The following MAN2C1 variants were observed in gnomAD, a reference collection of about 807,000 sequenced individuals.
The protein encoded by MAN2C1 is alpha-mannosidase 2C1.
In MAN2C1, 111 loss-of-function variants were observed where a neutral mutation model predicts 126.9. That is an observed-to-expected ratio of 0.87 (90% CI 0.75 to 1.02). MAN2C1 has a LOEUF of 1.02. Ranked by LOEUF, MAN2C1 falls within the 50% of genes least tolerant of loss-of-function variation. The pLI, the probability that MAN2C1 is intolerant of heterozygous loss-of-function variation, is 0.00. For missense variants in MAN2C1, 1,363 were observed against 1,364.4 expected, an observed-to-expected ratio of 1.00 and a Z score of 0.02; for synonymous variants, 567 against 561.5, an observed-to-expected ratio of 1.01 and a Z score of -0.14.
chr15:75,366,551 A>C lies in MAN2C1; in HGVS notation c.393T>G (p.Thr131=). The C allele has an allele frequency of 6.2e-7, 1 of 1,613,752 alleles. No homozygotes were observed. The change falls in exon 4 of 26, where the codon ACT becomes ACG. Residue 131 remains threonine (T), a synonymous_variant. Coordinates refer to ENST00000267978, the MANE Select transcript of MAN2C1 (RefSeq NM_006715.4). ...KEGEKTSYVL[T]DRLGERDPRS... Reference sequence around the variant, plus strand: ...GGGGGTCTCTTTCCCCCAGCCTGTCAGTCAGGACATAGCTGGTCTTCTCAC... The same window carrying C: ...GGGGGTCTCTTTCCCCCAGCCTGTCCGTCAGGACATAGCTGGTCTTCTCAC...
intron 3 of MAN2C1, 90 bp from the exon 4 acceptor site, chr15:75,366,682 C>T: frequency 1.1e-6 from 1 of 947,916 alleles, no homozygotes; most frequent in African/African-American, 1.7e-5. Flanking sequence ...GCCCCTCCAT[C>T]TGGTTCCCAG....
At chr15:75,368,313 C>G in intron 1 of MAN2C1, 115 bp from the exon 2 acceptor site, 1 of 1,482,508 alleles carries the variant, frequency 6.7e-7, no homozygotes, top group Non-Finnish European at 9.0e-7. Flanking sequence ...GGCTGCCTGG[C>G]CGCTCCGCGG....
Position 75,356,498 on chromosome 15 carries a change from C to A in MAN2C1, c.2738-49G>T, listed in dbSNP as rs1332726497. The A allele has an allele frequency of 9.6e-6, 15 of 1,567,536 alleles. No homozygotes were observed. Among genetic ancestry groups the A allele is most frequent in the Non-Finnish European group, 1.3e-5 (15 of 1,157,430 alleles). On this transcript the variant is annotated intron_variant, in intron 23 of 25. Transcript: ENST00000267978. This position sits in a 1 kb window ranked among gnomAD's most constrained non-coding sequence, Gnocchi z 5.8. ...GCTGGTGGAGAATGGGGGCTACCCT[C>A]CCCTGTCCCTAGAAGGGGCAGGAAG...
intron 1 of MAN2C1, 141 bp from the exon 2 acceptor site, chr15:75,368,339 A>G: frequency 7.1e-7 from 1 of 1,405,856 alleles, no homozygotes; most frequent in Non-Finnish European, 9.6e-7. Context: ...TCCATTCCCT[A>G]CCCCCTCCTC....
intron 18 of MAN2C1, 97 bp from the exon 19 acceptor site, chr15:75,358,905 AG>A (rs2072404275): frequency 7.4e-7 from 1 of 1,358,064 alleles, no homozygotes; most frequent in East Asian, 2.4e-5. Context: ...CCCAGTGGAC[AG>A]GGGACTACTG....
At chr15:75,359,029 C>T (rs2072407949) in intron 18 of MAN2C1, 30 bp downstream of exon 18, 1 of 1,611,558 alleles carries the variant, frequency 6.2e-7, no homozygotes, top group Non-Finnish European at 8.5e-7. Flanking sequence ...ACTTGCCAGG[C>T]ACTGGGAAAG....
At chr15:75,366,739 A>G in intron 3 of MAN2C1, 147 bp from the exon 4 acceptor site, 1 of 570,130 alleles carries the variant, frequency 1.8e-6, no homozygotes, top group South Asian at 2.3e-5. Context: ...CAAATCAGGG[A>G]CCCTTGGCAG....
rs1482691409 is a variant in MAN2C1, at chr15:75,359,377, G to C, written c.1997C>G (p.Thr666Ser). Residue 666 changes from threonine to serine, a missense_variant, in exon 17 of 26, where the codon ACC becomes AGC. Physicochemically the swap from Thr to Ser is moderately conservative, Grantham distance 58. Transcript: ENST00000267978. ...CTGGGGCAGCAGGGGCTGCAGTGAGGTGGGGGGAGGAACAGGAGCATAGCC... is the reference window on the plus strand; with the variant it reads ...CTGGGGCAGCAGGGGCTGCAGTGAGCTGGGGGGAGGAACAGGAGCATAGCC... ...SMGYAPVPPP[T>S]SLQPLLPQQP... is the part of the protein sequence containing the mutation. 5 of 1,607,792 alleles carry C rather than the reference G, an allele frequency of 3.1e-6. No homozygotes were observed. The South Asian group carries it at 5.5e-5, about 18-fold the overall frequency.
rs2072538179 is a variant in MAN2C1 at position 75,364,551 on chromosome 15, A to G, written c.537T>C (p.Ala179=). 2 of 1,610,398 alleles carry G rather than the reference A, an allele frequency of 1.2e-6. No homozygotes were observed. Among genetic ancestry groups the G allele is most frequent in the East Asian group, 2.2e-5 (1 of 44,714 alleles). ...GCATGTGGACATCCCGGTGGAACAC[A>G]GCTAGCTCAGCCCGGCTCAGCTGGA... ...KMFQLSRAEL[A]VFHRDVHMLL... The change falls in exon 5 of 26, where the codon GCT becomes GCC. Residue 179 remains alanine (A), a synonymous_variant. Coordinates refer to ENST00000267978, the MANE Select transcript of MAN2C1 (RefSeq NM_006715.4).
intron 4 of MAN2C1, chr15:75,366,050 G>T: frequency 2.9e-6 from 1 of 344,168 alleles, no homozygotes; most frequent in Non-Finnish European, 5.7e-6. Context: ...TCGTGCTACT[G>T]TACTCCAGCA....
Position 75,359,961 on chromosome 15 carries a change from A to AT in MAN2C1, c.1733dup (p.Asp578GlufsTer20). 6.2e-7 allele frequency: 1 copy of AT among 1,613,928 alleles called. No homozygotes were observed. Among genetic ancestry groups the AT allele is most frequent in the Non-Finnish European group, 8.5e-7 (1 of 1,179,914 alleles). ...TCTGGATGCAGCTTCCAGTCACCAC[A>AT]TCATGGAACTGGTTCAGAAGAAGGA... On this transcript the variant is annotated frameshift_variant, in exon 15 of 26. Transcript: ENST00000267978. LOFTEE classifies it high-confidence loss of function.
At position 75,361,530 on chromosome 15, in the gene MAN2C1, A is replaced by G. The variant is rs1429817062; in HGVS notation, c.1218+74T>C. 2 of 1,340,258 alleles carry G rather than the reference A, an allele frequency of 1.5e-6. No individual in the cohort carries two copies. Among genetic ancestry groups the G allele is most frequent in the African/African-American group, 1.4e-5 (1 of 69,368 alleles). 83.0% of individuals were successfully genotyped at this position (1,340,258 alleles called of 1,614,324 possible). A position where few individuals can be genotyped will look rare whatever the true frequency, so the allele number is the denominator to read the frequency against. ...TTGGTGGTCTGTCTAGGACCCCACA[A>G]TAAGGGGGAGAGGCAAATGGGCCAG... On this transcript the variant is annotated intron_variant, in intron 10 of 25. Coordinates refer to ENST00000267978, the MANE Select transcript of MAN2C1 (RefSeq NM_006715.4). This position sits in a 1 kb window ranked among gnomAD's most constrained non-coding sequence, Gnocchi z 5.0.
At position 75,361,859 on chromosome 15, in the gene MAN2C1, G is replaced by A. The variant is rs761403232; in HGVS notation, c.1097C>T (p.Ser366Phe). 2.5e-6 allele frequency: 4 copies of A among 1,613,990 alleles called. No homozygotes were observed. In the East Asian group the frequency reaches 8.9e-5, roughly 36 times the overall value. ...FFLQEFGKMC[S>F]EFWLPDTFGY... ...GTGTAGCAGCTCTCAGCCTACCTCA[G>A]AGCACATCTTCCCAAACTCCTGCAG... The change falls in exon 9 of 26, where the codon TCT becomes TTT. Residue 366 changes from serine to phenylalanine, a missense_variant. By Grantham distance (155) the Ser-to-Phe change is radical (BLOSUM62 -2). Coordinates refer to ENST00000267978, the MANE Select transcript of MAN2C1 (RefSeq NM_006715.4). The surrounding 1 kb of genome is among the most constrained non-coding windows in gnomAD (Gnocchi z 5.0).
At chr15:75,358,847 C>T in intron 18 of MAN2C1, 39 bp from the exon 19 acceptor site, 1 of 1,539,804 alleles carries the variant, frequency 6.5e-7, no homozygotes, top group Non-Finnish European at 9.0e-7. Context: ...AACCAACTGA[C>T]CTCGCTGTCT....
Position 75,364,676 on chromosome 15 carries a change from G to A in MAN2C1, c.423-11C>T. 2 of 1,601,816 alleles carry A rather than the reference G, an allele frequency of 1.2e-6. No individual in the cohort carries two copies. The highest frequency in any genetic ancestry group is 1.3e-5 in the African/African-American group (1 of 74,826). ...ACATAGAGAGTGAGGCTACAAAGAT[G>A]GGGAGACAGCCTCAGGCTAAGGGAC... On this transcript the variant is annotated splice_polypyrimidine_tract_variant and intron_variant, in intron 4 of 25. Coordinates refer to ENST00000267978, the MANE Select transcript of MAN2C1 (RefSeq NM_006715.4).
Position 75,359,313 on chromosome 15 carries a change from G to T in MAN2C1, c.2046+15C>A. 6.3e-7 allele frequency: 1 copy of T among 1,579,260 alleles called. No individual in the cohort carries two copies. Among genetic ancestry groups the T allele is most frequent in the Non-Finnish European group, 8.6e-7 (1 of 1,160,202 alleles). On this transcript the variant is annotated intron_variant, in intron 17 of 25. Transcript: ENST00000267978. Reference sequence around the variant, plus strand: ...CCCAGCACAGTTCCTGCCCCCCAGGGCATGCAGGACTCACCTCTTGCACTA... The same window carrying T: ...CCCAGCACAGTTCCTGCCCCCCAGGTCATGCAGGACTCACCTCTTGCACTA...
chr15:75,362,359 C>T lies in MAN2C1; in HGVS notation c.992G>A (p.Gly331Asp), dbSNP rs2072487959. ...ACRGQFVPVGGTWVEMDGNLP... is the reference protein window; with the variant it reads ...ACRGQFVPVGDTWVEMDGNLP... ...TGCACTTACCATCTCCACCCAGGTG[C>T]CCCCCACAGGCACAAACTGCCCACG... The change falls in exon 8 of 26, where the codon GGC (glycine) becomes GAC (aspartate). Residue 331 changes from glycine (G) to aspartate (D), a missense_variant. Gly to Asp is a moderately conservative substitution (Grantham distance 94). Around this residue, in one of 3 missense-constraint regions of MAN2C1, gnomAD observed 628 missense variants for 609.8 expected, o/e 1.03. Coordinates refer to ENST00000267978, the MANE Select transcript of MAN2C1 (RefSeq NM_006715.4). This position sits in a 1 kb window ranked among gnomAD's most constrained non-coding sequence, Gnocchi z 4.5. 1 of 1,613,720 alleles carries T rather than the reference C, an allele frequency of 6.2e-7. No homozygotes were observed. Among genetic ancestry groups the T allele is most frequent in the Non-Finnish European group, 8.5e-7 (1 of 1,179,882 alleles).
chr15:75,358,876 G>A, intron 18 of MAN2C1, 68 bp from the exon 19 acceptor site: 1 of 1,416,408 alleles, frequency 7.1e-7, no homozygotes, highest in Non-Finnish European at 9.9e-7. Flanking sequence ...TCTTGGTGGG[G>A]TAGGGTGGAG....
Position 75,362,433 on chromosome 15 carries a change from C to T in MAN2C1, c.918G>A (p.Val306=), listed in dbSNP as rs970343469. Residue 306 remains valine, a synonymous_variant, in exon 8 of 26, where the codon GTG becomes GTA. Transcript: ENST00000267978. The surrounding 1 kb of genome is among the most constrained non-coding windows in gnomAD (Gnocchi z 4.5). ...ACSQAQQLEW[V]KSRYPGLYSR... is the part of the protein sequence containing the mutation. ...AGTACAGGCCAGGGTAGCGGCTCTT[C>T]ACCCATTCCAGCTGCTGCGCCTGTG... is the stretch of plus-strand genomic sequence containing the variant. 11 of 1,613,056 alleles carry T rather than the reference C, an allele frequency of 6.8e-6. No individual in the cohort carries two copies. The highest frequency in any genetic ancestry group is 2.7e-5 in the African/African-American group (2 of 74,930).
Sources: gnomAD v4.1 joint callset for allele counts on GRCh38, gnomAD v4.1.1 for gene constraint, gnomAD v4.1.1 regional missense constraint, Gnocchi (gnomAD v3.1) non-coding constraint, MANE v1.5 for transcripts, NCBI Gene and HGNC (gene_info 2026-07-23, HGNC 2026-07-21) for gene names.